The following ZFP28 variants were observed in gnomAD, a reference collection of about 807,000 sequenced individuals.
The protein encoded by ZFP28 is ZFP28 zinc finger protein, also known as zinc finger protein 28 homolog.
Under a neutral mutation model 39.5 loss-of-function variants are expected in ZFP28, and 31 were observed. The observed-to-expected ratio is 0.79, with a 90% CI of 0.59 to 1.06. ZFP28 has a LOEUF of 1.06. Among genes scored for constraint, ZFP28 ranks in the 50% least tolerant of loss-of-function variants. The probability of loss-of-function intolerance (pLI) is 0.00; values close to 1 mark genes in which losing one functional copy is unlikely to be tolerated. For missense variants in ZFP28, 925 were observed against 1,048.4 expected, an observed-to-expected ratio of 0.88 and a Z score of 1.63; for synonymous variants, 400 against 378.6, an observed-to-expected ratio of 1.06 and a Z score of -0.66.
At position 56,555,968 on chromosome 19, in the gene ZFP28, GAA is replaced by G; in HGVS notation, c.*577_*578del. The G allele has an allele frequency of 6.6e-6, 1 of 152,360 alleles. No individual in the cohort carries two copies. 9.4% of individuals were successfully genotyped at this position (152,360 alleles called of 1,614,324 possible). A position where few individuals can be genotyped will look rare whatever the true frequency, so the allele number is the denominator to read the frequency against. ...AGAAAAATGCAAGATTTATATGCAT[GAA>G]GTTAAAACAACTGACGTTACTCAAG... On this transcript the variant is annotated 3_prime_UTR_variant, in exon 8 of 8. Transcript: ENST00000301318.
At chr19:56,551,659 C>A in intron 7 of ZFP28, 1 of 985,310 alleles carries the variant, frequency 1.0e-6, no homozygotes, top group Non-Finnish European at 1.2e-6. Flanking sequence ...AGTTTAATTG[C>A]ATCTTGAAAG....
Position 56,556,174 on chromosome 19 carries a change from T to TA in ZFP28, c.*789dup, listed in dbSNP as rs1029710871. 1.3e-5 allele frequency: 2 copies of TA among 152,178 alleles called. No homozygotes were observed. The highest frequency in any genetic ancestry group is 4.8e-5 in the African/African-American group (2 of 41,436). 9.4% of individuals were successfully genotyped at this position (152,178 alleles called of 1,614,324 possible). On this transcript the variant is annotated 3_prime_UTR_variant, in exon 8 of 8. Transcript: ENST00000301318. ...TTTGTATGGTCCATGATCTAGAATT[T>TA]AAAAAAATTTTAAAGGGTTGAAAAA...
upstream of ZFP28, chr19:56,538,079 T>C (rs1456100784): frequency 6.6e-6 from 1 of 152,204 alleles, no homozygotes; most frequent in South Asian, 2.1e-4. Flanking sequence ...AGACGAAAAT[T>C]TGGGGTTAGA....
At position 56,539,690 on chromosome 19, in the gene ZFP28, G is replaced by A. The variant is rs1238365252; in HGVS notation, c.274G>A (p.Gly92Arg). 2 of 1,614,160 alleles carry A rather than the reference G, an allele frequency of 1.2e-6. No homozygotes were observed. The highest frequency in any genetic ancestry group is 4.5e-5 in the East Asian group (2 of 44,882). Residue 92 changes from glycine to arginine, a missense_variant, in exon 2 of 8, where the codon GGA (glycine) becomes AGA (arginine). Gly to Arg is a moderately radical substitution (Grantham distance 125). Transcript: ENST00000301318. The part of the protein sequence containing the change: ...RNKKLEAVGT[G>R]IEPKAMSQGL... The stretch of plus-strand genomic sequence containing the variant: ...CAAGAAGCTGGAGGCTGTGGGGACA[G>A]GAATTGAACCTAAAGCCATGTCCCA...
At position 56,547,643 on chromosome 19, in the gene ZFP28, T is replaced by TC. The variant is rs753249790; in HGVS notation, c.427+12dup. On this transcript the variant is annotated intron_variant, in intron 3 of 7. Transcript: ENST00000301318. This position sits in a 1 kb window ranked among gnomAD's most constrained non-coding sequence, Gnocchi z 4.6. ...GAACCTGGCATCGCTGGGTAAGGGCTCCCACCCCTTTTCCCACCCCTCACC... is the reference window on the plus strand; with the variant it reads ...GAACCTGGCATCGCTGGGTAAGGGCTCCCCACCCCTTTTCCCACCCCTCACC... 5.0e-6 allele frequency: 8 copies of TC among 1,601,976 alleles called. No homozygotes were observed. The highest frequency in any genetic ancestry group is 6.8e-6 in the Non-Finnish European group (8 of 1,173,712).
upstream of ZFP28, chr19:56,538,916 G>A: frequency 1.9e-6 from 2 of 1,074,652 alleles, no homozygotes; most frequent in Admixed American, 4.4e-5. Flanking sequence ...GGGCCATGGG[G>A]GAGCGCGCGC....
rs1600554526 is a variant in ZFP28, at chr19:56,556,542, C to T, written c.*1150C>T. 1 of 152,198 alleles carries T rather than the reference C, an allele frequency of 6.6e-6. No homozygotes were observed. The highest frequency in any genetic ancestry group is 1.5e-5 in the Non-Finnish European group (1 of 68,036). 9.4% of individuals were successfully genotyped at this position (152,198 alleles called of 1,614,324 possible). A position where few individuals can be genotyped will look rare whatever the true frequency, so the allele number is the denominator to read the frequency against. ...CTTGTTTAGCTATTGACTATGGCTG[C>T]TTTAGACAACTGTGACAGACTATAT... On this transcript the variant is annotated 3_prime_UTR_variant, in exon 8 of 8. Coordinates refer to ENST00000301318, the MANE Select transcript of ZFP28 (RefSeq NM_020828.2).
At position 56,554,240 on chromosome 19, in the gene ZFP28, C is replaced by T. The variant is rs2044329891; in HGVS notation, c.1455C>T (p.Phe485=). 1 of 1,614,044 alleles carries T rather than the reference C, an allele frequency of 6.2e-7. No individual in the cohort carries two copies. Among genetic ancestry groups the T allele is most frequent in the African/African-American group, 1.3e-5 (1 of 74,922 alleles). ...AGTGCATTGAGTGTGGGAAAGCTTTCATACAGAACACATCCCTTATCCGTC... is the reference window on the plus strand; with the variant it reads ...AGTGCATTGAGTGTGGGAAAGCTTTTATACAGAACACATCCCTTATCCGTC... The part of the protein sequence containing the change: ...PYECIECGKA[F]IQNTSLIRHW... The change falls in exon 8 of 8, where the codon TTC becomes TTT. Residue 485 remains phenylalanine, a synonymous_variant. Transcript: ENST00000301318. The surrounding 1 kb of genome is among the most constrained non-coding windows in gnomAD (Gnocchi z 6.7).
At chr19:56,550,949 G>A (rs1326571743) in intron 7 of ZFP28, 2 of 1,396,590 alleles carry the variant, frequency 1.4e-6, no homozygotes, top group Non-Finnish European at 1.9e-6. Context: ...TTTTCATCAT[G>A]CATCCATTCC....
intron 2 of ZFP28, chr19:56,545,823 G>C (rs1161987747): frequency 6.6e-6 from 1 of 152,216 alleles, no homozygotes; most frequent in East Asian, 1.9e-4. Context: ...AAGGGAACTT[G>C]AAGGCTACAT....
At position 56,555,233 on chromosome 19, in the gene ZFP28, G is replaced by A. The variant is rs375712415; in HGVS notation, c.2448G>A (p.Lys816=). The A allele has an allele frequency of 2.4e-5, 38 of 1,614,022 alleles. No individual in the cohort carries two copies. The highest frequency in any genetic ancestry group is 3.1e-5 in the Non-Finnish European group (37 of 1,180,032). Residue 816 remains lysine, a synonymous_variant, in exon 8 of 8, where the codon AAG becomes AAA. Coordinates refer to ENST00000301318, the MANE Select transcript of ZFP28 (RefSeq NM_020828.2). ...CTGGAGAGAGATCTTATAACTATAA[G>A]AAAAGCAGAAAAGTCTTCAGGCAAA... ...VHTGERSYNY[K]KSRKVFRQTA...
At chr19:56,552,068 T>G (rs557818478) in intron 7 of ZFP28, 337 of 774,946 alleles carry the variant, frequency 4.3e-4, no homozygotes, top group Non-Finnish European at 5.1e-4. Flanking sequence ...TCTATTTCAT[T>G]TTTAATGACT....
chr19:56,555,345 CTG>C lies in ZFP28; in HGVS notation c.2562_2563del (p.Phe855SerfsTer28). 6.2e-7 allele frequency: 1 copy of C among 1,613,278 alleles called. No individual in the cohort carries two copies. Among genetic ancestry groups the C allele is most frequent in the South Asian group, 1.1e-5 (1 of 90,894 alleles). On this transcript the variant is annotated frameshift_variant, in exon 8 of 8. Coordinates refer to ENST00000301318, the MANE Select transcript of ZFP28 (RefSeq NM_020828.2). LOFTEE classifies it high-confidence loss of function. ...ACCTTCCACGTCAAATCCTGTGGATCTGTTTCCCAAATTTCTCTGGAATCCAT... is the reference window on the plus strand; with the variant it reads ...ACCTTCCACGTCAAATCCTGTGGATCTTTCCCAAATTTCTCTGGAATCCAT... Reference protein sequence around the residue: ...SLPSTSNPVDLFPKFLWNPSS... With the variant: ...SLPSTSNPVDXFPKFLWNPSS...
At chr19:56,550,885 C>T in intron 7 of ZFP28, 3 of 1,435,082 alleles carry the variant, frequency 2.1e-6, no homozygotes, top group Non-Finnish European at 2.7e-6. Flanking sequence ...GACCCTGATG[C>T]ACTTTTGAGC....
chr19:56,550,933 C>G (rs570880486), intron 7 of ZFP28: 203 of 1,411,860 alleles, frequency 1.4e-4, no homozygotes, highest in Non-Finnish European at 1.7e-5. Context: ...GTTAAATGGC[C>G]TATTGTTTTC....
intron 2 of ZFP28, chr19:56,544,688 G>C (rs1229417794): frequency 6.6e-6 from 1 of 152,204 alleles, no homozygotes; most frequent in Non-Finnish European, 1.5e-5. Flanking sequence ...AATAGTAATA[G>C]TACTGACTAT....
chr19:56,555,163 C>T lies in ZFP28; in HGVS notation c.2378C>T (p.Thr793Ile). ...KPYECKECRK[T>I]FIQIGHLNQH... ...TATGAATGTAAGGAATGTAGGAAAA[C>T]CTTCATCCAAATTGGACACCTTAAT... is the stretch of plus-strand genomic sequence containing the variant. The change falls in exon 8 of 8, where the codon ACC (threonine) becomes ATC (isoleucine). Residue 793 changes from threonine to isoleucine, a missense_variant. Thr to Ile is a moderately conservative substitution (Grantham distance 89, BLOSUM62 -1). Coordinates refer to ENST00000301318, the MANE Select transcript of ZFP28 (RefSeq NM_020828.2). 1 of 1,614,134 alleles carries T rather than the reference C, an allele frequency of 6.2e-7. No individual in the cohort carries two copies. Among genetic ancestry groups the T allele is most frequent in the Non-Finnish European group, 8.5e-7 (1 of 1,180,008 alleles).
In ZFP28 at chr19:56,553,865, G is replaced by A. The variant is rs771665530; in HGVS notation, c.1080G>A (p.Glu360=). Residue 360 remains glutamate (E), a synonymous_variant, in exon 8 of 8, where the codon GAG becomes GAA. Coordinates refer to ENST00000301318, the MANE Select transcript of ZFP28 (RefSeq NM_020828.2). ...AVGQETQFRQ[E]PITHNKTLSK... is the part of the protein sequence containing the mutation. ...GTCAAGAGACACAATTCAGGCAAGA[G>A]CCAATTACTCATAACAAAACCCTCT... 6.2e-7 allele frequency: 1 copy of A among 1,614,116 alleles called. No individual in the cohort carries two copies. The highest frequency in any genetic ancestry group is 1.1e-5 in the South Asian group (1 of 91,084).
upstream of ZFP28, chr19:56,538,845 TG>T (rs2044162805): frequency 1.3e-5 from 1 of 74,986 alleles, no homozygotes; most frequent in South Asian, 8.5e-4. Context: ...CGGGGAGGGG[TG>T]GGGAGGGGCG....
Sources: allele counts gnomAD v4.1 joint callset, GRCh38; gene constraint gnomAD v4.1.1; non-coding constraint Gnocchi (gnomAD v3.1); transcripts MANE v1.5; gene names NCBI Gene and HGNC (gene_info 2026-07-23, HGNC 2026-07-21).